SPATA6: variants seen among roughly 807,000 people sequenced by gnomAD.
The protein encoded by SPATA6 is spermatogenesis associated 6, also known as spermatogenesis-associated protein 6.
A neutral mutation model predicts 65.3 loss-of-function variants in SPATA6; 56 were observed. That is an observed-to-expected ratio of 0.86 (90% confidence interval 0.69 to 1.07). The LOEUF (loss-of-function observed/expected upper bound fraction) is 1.07. SPATA6 is among the 50% of genes least tolerant of loss of function. The probability of loss-of-function intolerance (pLI) is 0.00; values close to 1 mark genes in which losing one functional copy is unlikely to be tolerated. For missense variants in SPATA6, 590 were observed against 594.8 expected (o/e 0.99, Z 0.08); for synonymous variants, 199 against 213.2 (o/e 0.93, Z 0.58).
intron 9 of SPATA6, among the ~76,000 whole-genome samples, chr1:48,378,359 A>G (rs1648163134): frequency 6.6e-6 from 1 of 152,206 alleles, no homozygotes; most frequent in Non-Finnish European, 1.5e-5. Context: ...GGCAGATCAC[A>G]TGGTTTCCAA....
At chr1:48,322,750 A>G (rs913447112) in intron 11 of SPATA6, among the ~76,000 whole-genome samples, 6 of 152,228 alleles carry the variant, frequency 3.9e-5, no homozygotes, top group African/African-American at 1.4e-4. Flanking sequence ...CCCATCAAAA[A>G]ATGGGTGAAG....
At chr1:48,434,287 A>G (rs1654684552) in intron 3 of SPATA6, among the ~76,000 whole-genome samples, 1 of 151,686 alleles carries the variant, frequency 6.6e-6, no homozygotes, top group Non-Finnish European at 1.5e-5. Context: ...AACAGGAAAA[A>G]TCTCTACTCC....
At chr1:48,453,263 G>C in intron 1 of SPATA6, 132 bp from the exon 2 acceptor site, 1 of 982,160 alleles carries the variant, frequency 1.0e-6, no homozygotes, top group Non-Finnish European at 1.4e-6. Context: ...CAAATAAAGA[G>C]AGAGAGACAG....
intron 3 of SPATA6, among the ~76,000 whole-genome samples, chr1:48,420,718 T>C (rs368679660): frequency 1.3e-5 from 2 of 152,172 alleles, no homozygotes; most frequent in African/African-American, 2.4e-5. Flanking sequence ...GGGAGGCAAG[T>C]TGCAGCATTG....
At chr1:48,364,303 T>C (rs2148830338) in intron 9 of SPATA6, among the ~76,000 whole-genome samples, 1 of 152,352 alleles carries the variant, frequency 6.6e-6, no homozygotes, top group Non-Finnish European at 1.5e-5. Context: ...TTATATTCCT[T>C]TGGGTATATA....
At chr1:48,275,633 G>A in the SPATA6 span, among the ~76,000 whole-genome samples, 3 of 152,068 alleles carry the variant, frequency 2.0e-5, no homozygotes, top group Non-Finnish European at 2.9e-5. Flanking sequence ...TTTCTGTGAT[G>A]GATTACATTG....
At chr1:48,301,529 C>CCA (rs536865372) in intron 12 of SPATA6, among the ~76,000 whole-genome samples, 112 of 151,142 alleles carry the variant, frequency 7.4e-4, no homozygotes, top group African/African-American at 1.0e-3. Flanking sequence ...TTATTTGGAA[C>CCA]CACACACACA....
At chr1:48,306,487 G>A (rs1394425606) in intron 11 of SPATA6, among the ~76,000 whole-genome samples, 1 of 151,982 alleles carries the variant, frequency 6.6e-6, no homozygotes, top group African/African-American at 2.4e-5. Flanking sequence ...ATAGTATTCT[G>A]AAGAGATGGC....
At chr1:48,372,157 A>G (rs1183028879) in intron 9 of SPATA6, among the ~76,000 whole-genome samples, 1 of 152,132 alleles carries the variant, frequency 6.6e-6, no homozygotes, top group Admixed American at 6.6e-5. Context: ...GCATTAACCC[A>G]AAAGTCCACA....
rs765166760 is a variant in SPATA6 at position 48,355,719 on chromosome 1, C to T, written c.1145G>A (p.Arg382Gln). Residue 382 changes from arginine to glutamine, a missense_variant, in exon 11 of 13, where the codon CGG (arginine) becomes CAG (glutamine). Transcript: ENST00000371847. ...SPSNCDEIHD[R>Q]VKNVLKSHQA... ...ATGTGATTTCAAGACATTTTTTACC[C>T]GGTCATGGATCTCATCGCAGTTTGA... 53 of 1,612,794 alleles carry T rather than the reference C, an allele frequency of 3.3e-5. No homozygotes were observed. The highest frequency in any genetic ancestry group is 3.1e-4 in the East Asian group (14 of 44,806).
At chr1:48,362,136 C>CT (rs1646832629) in intron 9 of SPATA6, among the ~76,000 whole-genome samples, 1 of 152,090 alleles carries the variant, frequency 6.6e-6, no homozygotes, top group Non-Finnish European at 1.5e-5. Context: ...CATCTGTAGT[C>CT]TCAACTATTC....
chr1:48,316,056 T>C (rs966458242), intron 11 of SPATA6, among the ~76,000 whole-genome samples: 1 of 152,136 alleles, frequency 6.6e-6, no homozygotes, highest in Non-Finnish European at 1.5e-5. Flanking sequence ...TGGAAGAACA[T>C]TCCATGCTCA....
intron 9 of SPATA6, among the ~76,000 whole-genome samples, chr1:48,376,047 T>C (rs908564395): frequency 2.0e-5 from 3 of 152,196 alleles, no homozygotes; most frequent in African/African-American, 7.2e-5. Flanking sequence ...TTAAAACCAT[T>C]TGCCTTTCAG....
chr1:48,470,525 C>T (rs1187511525), intron 1 of SPATA6, among the ~76,000 whole-genome samples: 1 of 152,188 alleles, frequency 6.6e-6, no homozygotes, highest in East Asian at 1.9e-4. Context: ...CGAGAAAAAT[C>T]TCTGCAGGCT....
intron 11 of SPATA6, among the ~76,000 whole-genome samples, chr1:48,308,852 C>G (rs1273278982): frequency 1.3e-5 from 2 of 152,068 alleles, no homozygotes; most frequent in African/African-American, 4.8e-5. Context: ...TCCCTTGCTG[C>G]TTTTAAGATT....
At chr1:48,394,600 C>T (rs1650401594) in intron 8 of SPATA6, among the ~76,000 whole-genome samples, 1 of 152,000 alleles carries the variant, frequency 6.6e-6, no homozygotes, top group South Asian at 2.1e-4. Flanking sequence ...TAAGAGATTA[C>T]ACACAACAGG....
chr1:48,365,045 T>A (rs1443019387), intron 9 of SPATA6, among the ~76,000 whole-genome samples: 4 of 152,236 alleles, frequency 2.6e-5, no homozygotes, highest in Admixed American at 2.0e-4. Context: ...GCACCCTTTA[T>A]TAAATAGGGA....
At chr1:48,352,903 C>CAAAA (rs35929341) in intron 11 of SPATA6, among the ~76,000 whole-genome samples, 1 of 133,342 alleles carries the variant, frequency 7.5e-6, no homozygotes, top group African/African-American at 2.8e-5. Flanking sequence ...CTTTTAAATA[C>CAAAA]AAAAAAAAAA....
chr1:48,316,714 G>C (rs1406076509), intron 11 of SPATA6, among the ~76,000 whole-genome samples: 1 of 152,130 alleles, frequency 6.6e-6, no homozygotes. Flanking sequence ...CTTCTGCACA[G>C]CAAAAGAAAC....
Sources: gnomAD v4.1 joint callset for allele counts (sites outside exome capture counted in the v4.1 genomes callset) on GRCh38, gnomAD v4.1.1 for gene constraint, MANE v1.5 for transcripts, NCBI Gene and HGNC (gene_info 2026-07-23, HGNC 2026-07-21) for gene names.